The following SLC60A2 variants were observed in gnomAD, a reference collection of about 807,000 sequenced individuals.
SLC60A2 encodes major facilitator superfamily domain containing 4B.
At chr6:111,278,340 G>A in the SLC60A2 span, 11 of 152,180 alleles carry the variant, frequency 7.2e-5, no homozygotes, top group African/African-American at 2.2e-4. Flanking sequence ...AGGTTTATGG[G>A]AAACATTCAA....
the SLC60A2 span, among the ~76,000 whole-genome samples, chr6:111,261,735 A>G: frequency 6.6e-6 from 1 of 152,032 alleles, no homozygotes; most frequent in Non-Finnish European, 1.5e-5. Context: ...CTGGGACTAC[A>G]GGCGCCCACC....
the SLC60A2 span, chr6:111,265,813 T>C: frequency 8.4e-7 from 1 of 1,190,548 alleles, no homozygotes; most frequent in Non-Finnish European, 1.2e-6. Context: ...ATAAGTGAAC[T>C]TTTTTTTTTA....
the SLC60A2 span, chr6:111,259,398 C>T: frequency 1.0e-5 from 4 of 385,180 alleles, no homozygotes; most frequent in Non-Finnish European, 1.8e-5. Flanking sequence ...TCTTCTCTGC[C>T]CCGGTTCCGG....
the SLC60A2 span, chr6:111,259,715 C>G: frequency 6.3e-7 from 1 of 1,596,878 alleles, no homozygotes; most frequent in African/African-American, 1.3e-5. Context: ...TGTGTGCCTC[C>G]TTCCTGGGGC....
chr6:111,266,745 A>G, the SLC60A2 span: 79 of 1,614,194 alleles, frequency 4.9e-5, no homozygotes, highest in East Asian at 4.7e-4. Flanking sequence ...GGGAGCATCA[A>G]TAGCTACTGG....
the SLC60A2 span, among the ~76,000 whole-genome samples, chr6:111,263,474 G>T: frequency 6.6e-6 from 1 of 151,562 alleles, no homozygotes; most frequent in East Asian, 1.9e-4. Flanking sequence ...TTTTATTTTT[G>T]TCTATTTAAT....
the SLC60A2 span, among the ~76,000 whole-genome samples, chr6:111,275,087 T>C: frequency 3.7e-5 from 2 of 54,414 alleles, no homozygotes; most frequent in Non-Finnish European, 1.5e-4. Context: ...CTTACCTGGC[T>C]TTTTTTTTTT....
chr6:111,279,010 T>G, the SLC60A2 span, among the ~76,000 whole-genome samples: 1 of 152,232 alleles, frequency 6.6e-6, no homozygotes, highest in African/African-American at 2.4e-5. Flanking sequence ...TAAAAATGAC[T>G]GATGCCCAGC....
chr6:111,263,844 G>T, the SLC60A2 span: 2 of 1,596,756 alleles, frequency 1.3e-6, no homozygotes, highest in South Asian at 2.2e-5. Context: ...CTCAATGTCG[G>T]CTACCACCGT....
At chr6:111,263,680 G>A in the SLC60A2 span, 71 of 499,630 alleles carry the variant, frequency 1.4e-4, no homozygotes, top group East Asian at 1.4e-3. Context: ...AGATTCAAAT[G>A]AAATAATCAC....
At chr6:111,268,407 T>G in the SLC60A2 span, 1 of 152,228 alleles carries the variant, frequency 6.6e-6, no homozygotes, top group South Asian at 2.1e-4. Context: ...TATGTATATA[T>G]AAAATAATGT....
chr6:111,274,657 C>T, the SLC60A2 span, among the ~76,000 whole-genome samples: 1 of 152,014 alleles, frequency 6.6e-6, no homozygotes. Flanking sequence ...TTTTCTTTAT[C>T]TTCCTCCTTT....
chr6:111,262,169 C>CCT, the SLC60A2 span: 2 of 1,068,652 alleles, frequency 1.9e-6, no homozygotes, highest in Non-Finnish European at 2.7e-6. Flanking sequence ...CTCCGCCCCC[C>CCT]TTTTTTTTTA....
the SLC60A2 span, among the ~76,000 whole-genome samples, chr6:111,272,869 C>T: frequency 1.3e-5 from 2 of 151,162 alleles, no homozygotes; most frequent in East Asian, 3.9e-4. Flanking sequence ...TTGCTCTTGT[C>T]ACCCAGGCTG....
At chr6:111,271,482 G>C in the SLC60A2 span, among the ~76,000 whole-genome samples, 1 of 152,056 alleles carries the variant, frequency 6.6e-6, no homozygotes, top group East Asian at 1.9e-4. Flanking sequence ...TTCTCCATCA[G>C]ATAAAGTATC....
chr6:111,263,881 A>G, the SLC60A2 span: 19 of 1,612,610 alleles, frequency 1.2e-5, no homozygotes, highest in African/African-American at 2.4e-4. Context: ...CCTTTTTGCA[A>G]GACAGCAATA....
the SLC60A2 span, among the ~76,000 whole-genome samples, chr6:111,271,636 T>G: frequency 6.6e-6 from 1 of 151,578 alleles, no homozygotes; most frequent in Non-Finnish European, 1.5e-5. Flanking sequence ...CAGGATAGCT[T>G]TCTCATGTCC....
chr6:111,266,630 AT>A, the SLC60A2 span: 1 of 1,614,162 alleles, frequency 6.2e-7, no homozygotes, highest in Non-Finnish European at 8.5e-7. Flanking sequence ...AATCTGCAGC[AT>A]TTTTTGTAAT....
At chr6:111,269,710 A>G in the SLC60A2 span, 1 of 152,216 alleles carries the variant, frequency 6.6e-6, no homozygotes, top group African/African-American at 2.4e-5. Context: ...TGATAAGAAC[A>G]TGGCAGAAAA....
Sources: allele counts gnomAD v4.1 joint callset (sites outside exome capture counted in the v4.1 genomes callset), GRCh38; gene constraint gnomAD v4.1.1; transcripts MANE v1.5; gene names NCBI Gene and HGNC (gene_info 2026-07-23, HGNC 2026-07-21).